Variants in SSX2IP observed in about 807,000 individuals in gnomAD.
SSX2IP encodes the protein SSX family member 2 interacting protein.
In SSX2IP, 55 loss-of-function variants were observed where a neutral mutation model predicts 84.9. The observed-to-expected ratio is 0.65, with a 90% CI of 0.52 to 0.81. The LOEUF (loss-of-function observed/expected upper bound fraction) is 0.81. Ranked by LOEUF, SSX2IP falls within the 30% of genes least tolerant of loss-of-function variation. SSX2IP has a pLI of 0.00. For missense variants in SSX2IP, 664 were observed against 705.2 expected (o/e 0.94, Z 0.66); for synonymous variants, 239 against 234.7 (o/e 1.02, Z -0.17).
At chr1:84,681,494 C>T (rs908637408) in intron 1 of SSX2IP, among the ~76,000 whole-genome samples, 4 of 152,132 alleles carry the variant, frequency 2.6e-5, no homozygotes, top group Non-Finnish European at 5.9e-5. Flanking sequence ...GGAAAAGTTA[C>T]AAAATGTCAC....
In SSX2IP at chr1:84,689,084, G is replaced by A. The variant is rs375570678; in HGVS notation, c.-90+1287C>T. The stretch of plus-strand genomic sequence containing the variant: ...TGAATAACCTAAGCTTCCTAAGCCT[G>A]TAGGTTGATAGTTTTAGGATAAGAG... On this transcript the variant is annotated intron_variant, in intron 1 of 13. Transcript: ENST00000342203. Among the ~76,000 whole-genome samples, 41 of 152,342 alleles carry A rather than the reference G, an allele frequency of 2.7e-4. No homozygotes were observed. In the South Asian group the frequency reaches 7.5e-3, roughly 28 times the overall value.
chr1:84,678,503 C>T lies in SSX2IP; in HGVS notation c.-89-7195G>A, dbSNP rs190622112. Among the ~76,000 whole-genome samples, 112 of 152,308 alleles carry T rather than the reference C, an allele frequency of 7.4e-4. 1 individual carries two copies. The highest frequency in any genetic ancestry group is 2.6e-3 in the African/African-American group (108 of 41,552). Reference sequence around the variant, plus strand: ...ATACTTATTGGTTTGTTTCATCTTTCCCAACCACACTCTCAAGTACCACAC... The same window carrying T: ...ATACTTATTGGTTTGTTTCATCTTTTCCAACCACACTCTCAAGTACCACAC... On this transcript the variant is annotated intron_variant, in intron 1 of 13. Transcript: ENST00000342203.
chr1:84,689,954 T>C (rs1030068249), intron 1 of SSX2IP, among the ~76,000 whole-genome samples: 1 of 152,134 alleles, frequency 6.6e-6, no homozygotes, highest in African/African-American at 2.4e-5. Context: ...AAACCCCGCA[T>C]GCCCCACGGC....
intron 8 of SSX2IP, among the ~76,000 whole-genome samples, chr1:84,659,581 T>C (rs1651620804): frequency 6.6e-6 from 1 of 152,008 alleles, no homozygotes; most frequent in Non-Finnish European, 1.5e-5. Flanking sequence ...GGGTGGATCA[T>C]GAGGTCAAGA....
At chr1:84,678,272 A>G (rs1018206291) in intron 1 of SSX2IP, among the ~76,000 whole-genome samples, 1 of 152,234 alleles carries the variant, frequency 6.6e-6, no homozygotes, top group Non-Finnish European at 1.5e-5. Context: ...TACCTGAAAC[A>G]TAGCAGGTGC....
intron 4 of SSX2IP, 41 bp from the exon 5 acceptor site, chr1:84,666,273 G>A (rs1652765027): frequency 6.9e-7 from 1 of 1,445,290 alleles, no homozygotes; most frequent in Non-Finnish European, 9.7e-7. Flanking sequence ...ATTAATAAAG[G>A]ATTTAGAATA....
chr1:84,667,170 C>T (rs779740140), intron 4 of SSX2IP, among the ~76,000 whole-genome samples: 5 of 152,012 alleles, frequency 3.3e-5, no homozygotes, highest in Non-Finnish European at 7.4e-5. Context: ...GAAATTCACT[C>T]AGCATGATTA....
At chr1:84,673,456 T>C (rs1259669240) in intron 1 of SSX2IP, among the ~76,000 whole-genome samples, 1 of 152,244 alleles carries the variant, frequency 6.6e-6, no homozygotes. Flanking sequence ...GGCTACAGCG[T>C]AGGAAGTCGG....
At chr1:84,649,814 G>A (rs1248801128) in intron 13 of SSX2IP, 2 of 394,056 alleles carry the variant, frequency 5.1e-6, no homozygotes, top group South Asian at 1.9e-5. Context: ...TTGAGATACA[G>A]GAAAACACCA....
At chr1:84,651,655 G>A (rs1431202997) in intron 12 of SSX2IP, among the ~76,000 whole-genome samples, 1 of 152,076 alleles carries the variant, frequency 6.6e-6, no homozygotes, top group Non-Finnish European at 1.5e-5. Flanking sequence ...GTGAAGCTGG[G>A]AGGCAGAGGT....
Position 84,650,033 on chromosome 1 carries a change from T to G in SSX2IP, c.1670+329A>C, listed in dbSNP as rs990161752. ...AACTGTCAAAACAATATCCTTCCAT[T>G]TAATACAATTAAAGTGCTTAAAATA... On this transcript the variant is annotated intron_variant, in intron 13 of 13. Transcript: ENST00000342203. 1.1e-5 allele frequency: 7 copies of G among 640,286 alleles called. No homozygotes were observed. In the African/African-American group the frequency reaches 1.3e-4, roughly 12 times the overall value. 39.7% of individuals were successfully genotyped at this position (640,286 alleles called of 1,614,324 possible). A position where few individuals can be genotyped will look rare whatever the true frequency, so the allele number is the denominator to read the frequency against.
intron 1 of SSX2IP, among the ~76,000 whole-genome samples, chr1:84,677,364 A>T (rs761277462): frequency 7.2e-5 from 11 of 152,170 alleles, no homozygotes; most frequent in Non-Finnish European, 1.3e-4. Context: ...TTTCTGGTTA[A>T]TCACATCTGT....
rs1557479845 is a variant in SSX2IP at position 84,657,583 on chromosome 1, C to CT, written c.1078+734dup. On this transcript the variant is annotated intron_variant, in intron 9 of 13. Coordinates refer to ENST00000342203, the MANE Select transcript of SSX2IP (RefSeq NM_001166293.2). ...GTCAGTAAAAGAGACTCAGTTTTCT[C>CT]TTTTTGGGGGGGAACAGGTGGTGTT... 9.4e-4 allele frequency among the ~76,000 whole-genome samples: 143 copies of CT among 152,150 alleles called. 1 individual carries two copies. Among genetic ancestry groups the CT allele is most frequent in the African/African-American group, 3.0e-3 (125 of 41,512 alleles).
intron 12 of SSX2IP, among the ~76,000 whole-genome samples, chr1:84,651,307 T>C (rs1364430721): frequency 1.3e-5 from 2 of 152,062 alleles, no homozygotes; most frequent in East Asian, 1.9e-4. Flanking sequence ...AGACTACATC[T>C]TGAAAAAAGA....
intron 8 of SSX2IP, among the ~76,000 whole-genome samples, chr1:84,661,529 C>T (rs1651980965): frequency 6.6e-6 from 1 of 152,150 alleles, no homozygotes; most frequent in Non-Finnish European, 1.5e-5. Flanking sequence ...CACCTTATTA[C>T]AGCACCTAAC....
chr1:84,671,673 T>C (rs1653601919), intron 1 of SSX2IP, among the ~76,000 whole-genome samples: 1 of 152,204 alleles, frequency 6.6e-6, no homozygotes, highest in Non-Finnish European at 1.5e-5. Flanking sequence ...AACTTCTTCT[T>C]GGCCAGCATT....
chr1:84,684,499 C>T (rs1655518657), intron 1 of SSX2IP, among the ~76,000 whole-genome samples: 1 of 152,142 alleles, frequency 6.6e-6, no homozygotes, highest in African/African-American at 2.4e-5. Context: ...CCTGGCTAAG[C>T]AGCTTATTAA....
intron 4 of SSX2IP, among the ~76,000 whole-genome samples, chr1:84,667,138 A>G (rs1470198599): frequency 6.6e-6 from 1 of 152,068 alleles, no homozygotes; most frequent in Non-Finnish European, 1.5e-5. Context: ...GCCAGGTGAT[A>G]TGTAGCATAT....
At chr1:84,686,928 T>C (rs1023366989) in intron 1 of SSX2IP, among the ~76,000 whole-genome samples, 5 of 152,080 alleles carry the variant, frequency 3.3e-5, no homozygotes, top group Non-Finnish European at 7.4e-5. Context: ...TTTAAAAGAA[T>C]GTTAGTTTCT....
Sources: gnomAD v4.1 joint callset for allele counts (sites outside exome capture counted in the v4.1 genomes callset) on GRCh38, gnomAD v4.1.1 for gene constraint, MANE v1.5 for transcripts, NCBI Gene and HGNC (gene_info 2026-07-23, HGNC 2026-07-21) for gene names.